The following MARCHF3 variants were observed in gnomAD, a reference collection of about 807,000 sequenced individuals.
MARCHF3 encodes the protein E3 ubiquitin-protein ligase MARCHF3.
A neutral mutation model predicts 24.2 loss-of-function variants in MARCHF3; 13 were observed. The observed-to-expected ratio is 0.54, with a 90% CI of 0.35 to 0.85. The LOEUF is 0.85. MARCHF3 is among the 40% of genes least tolerant of loss of function. The pLI, the probability that MARCHF3 is intolerant of heterozygous loss-of-function variation, is 0.01. For missense variants in MARCHF3, 276 were observed against 325.0 expected (o/e 0.85, Z 1.16); for synonymous variants, 144 against 137.3 (o/e 1.05, Z -0.34).
intron 1 of MARCHF3, among the ~76,000 whole-genome samples, chr5:126,929,778 T>C (rs1322056986): frequency 3.3e-5 from 5 of 152,218 alleles, no homozygotes; most frequent in African/African-American, 1.2e-4. Context: ...GGGAGGGACC[T>C]GGTGGGAGAT....
intron 1 of MARCHF3, among the ~76,000 whole-genome samples, chr5:127,026,092 A>G (rs1752987395): frequency 6.6e-6 from 1 of 151,864 alleles, no homozygotes; most frequent in Admixed American, 6.6e-5. Context: ...GAAGAATGCC[A>G]TAGCTAAAAA....
intron 1 of MARCHF3, among the ~76,000 whole-genome samples, chr5:126,992,997 C>T (rs1180994010): frequency 6.6e-6 from 1 of 152,154 alleles, no homozygotes; most frequent in Admixed American, 6.5e-5. Flanking sequence ...TGGTCTCGAT[C>T]TCCTGACCTC....
chr5:126,940,716 G>A (rs1749799140), intron 1 of MARCHF3, among the ~76,000 whole-genome samples: 1 of 151,114 alleles, frequency 6.6e-6, no homozygotes, highest in Non-Finnish European at 1.5e-5. Flanking sequence ...CAAAGTGCTG[G>A]GATTACAGGT....
At chr5:126,898,636 C>T (rs73335467) in intron 3 of MARCHF3, among the ~76,000 whole-genome samples, 1 of 152,014 alleles carries the variant, frequency 6.6e-6, no homozygotes, top group African/African-American at 2.4e-5. Context: ...TGCATATTTT[C>T]CCTTCATCTC....
chr5:127,004,227 A>T (rs975942478), intron 1 of MARCHF3, among the ~76,000 whole-genome samples: 5 of 152,152 alleles, frequency 3.3e-5, no homozygotes, highest in Non-Finnish European at 5.9e-5. Flanking sequence ...GCAATGAATG[A>T]TCTGCTCCCT....
chr5:126,874,346 G>C (rs1446283080), intron 4 of MARCHF3, among the ~76,000 whole-genome samples: 1 of 152,218 alleles, frequency 6.6e-6, no homozygotes, highest in African/African-American at 2.4e-5. Flanking sequence ...CCAGCACTTT[G>C]GGAGGCCGAG....
At chr5:126,875,704 C>A (rs1277451816) in intron 4 of MARCHF3, among the ~76,000 whole-genome samples, 2 of 152,186 alleles carry the variant, frequency 1.3e-5, no homozygotes, top group Non-Finnish European at 2.9e-5. Context: ...TTCTTTCCCT[C>A]CTGCTACTTT....
intron 1 of MARCHF3, among the ~76,000 whole-genome samples, chr5:126,965,296 T>C (rs1002358398): frequency 6.6e-6 from 1 of 152,202 alleles, no homozygotes; most frequent in Non-Finnish European, 1.5e-5. Flanking sequence ...GCCAAGGTTC[T>C]CACACTGGTC....
chr5:126,929,544 G>A (rs1285641283), intron 1 of MARCHF3, among the ~76,000 whole-genome samples: 2 of 152,178 alleles, frequency 1.3e-5, no homozygotes, highest in South Asian at 2.1e-4. Context: ...TTGGAACAAA[G>A]AATCAGTGCA....
intron 1 of MARCHF3, among the ~76,000 whole-genome samples, chr5:126,998,355 C>G (rs748869555): frequency 6.6e-6 from 1 of 152,188 alleles, no homozygotes; most frequent in Non-Finnish European, 1.5e-5. Flanking sequence ...CACCAAGTTC[C>G]TGGTCCCTTT....
chr5:127,009,483 A>C (rs1752413861), intron 1 of MARCHF3, among the ~76,000 whole-genome samples: 1 of 152,236 alleles, frequency 6.6e-6, no homozygotes, highest in African/African-American at 2.4e-5. Flanking sequence ...GCCTTTTCAA[A>C]AATGAGAAAC....
chr5:126,953,668 C>T (rs1244197158), intron 1 of MARCHF3, among the ~76,000 whole-genome samples: 1 of 152,204 alleles, frequency 6.6e-6, no homozygotes, highest in East Asian at 1.9e-4. Context: ...CCTCTGAATA[C>T]TATTAGCATC....
intron 1 of MARCHF3, among the ~76,000 whole-genome samples, chr5:126,940,443 AT>A (rs933111119): frequency 6.6e-6 from 1 of 151,008 alleles, no homozygotes; most frequent in Non-Finnish European, 1.5e-5. Context: ...TATGTTTTTA[AT>A]TTTTTTTTCT....
intron 1 of MARCHF3, among the ~76,000 whole-genome samples, chr5:126,956,248 A>G (rs556389734): frequency 1.6e-4 from 25 of 152,318 alleles, no homozygotes; most frequent in Middle Eastern, 3.4e-3. Flanking sequence ...TACCCTGAAG[A>G]TATTTTTAAA....
At chr5:126,879,316 C>A (rs1753274206) in intron 3 of MARCHF3, among the ~76,000 whole-genome samples, 1 of 152,090 alleles carries the variant, frequency 6.6e-6, no homozygotes, top group Non-Finnish European at 1.5e-5. Flanking sequence ...TTTTCTGAGT[C>A]CCGTGAGTAC....
chr5:126,871,703 CCT>C (rs370630562), intron 4 of MARCHF3, among the ~76,000 whole-genome samples: 2 of 149,418 alleles, frequency 1.3e-5, no homozygotes, highest in African/African-American at 2.6e-5. Context: ...CAAACTTAAG[CCT>C]CTCTCTCTTT....
chr5:126,931,362 A>T (rs1561433862), intron 1 of MARCHF3, among the ~76,000 whole-genome samples: 1 of 152,306 alleles, frequency 6.6e-6, no homozygotes, highest in East Asian at 1.9e-4. Context: ...AAAAGAGCAA[A>T]TACTTTCTTA....
intron 3 of MARCHF3, among the ~76,000 whole-genome samples, chr5:126,914,338 A>G (rs1219228642): frequency 1.3e-5 from 2 of 152,114 alleles, no homozygotes; most frequent in Non-Finnish European, 2.9e-5. Context: ...TAATTTCCCA[A>G]GTGAGATATT....
chr5:126,909,535 T>A (rs969472208), intron 3 of MARCHF3, among the ~76,000 whole-genome samples: 1 of 152,262 alleles, frequency 6.6e-6, no homozygotes, highest in Non-Finnish European at 1.5e-5. Context: ...CGCTGTTTTT[T>A]AAGCCCATCG....
Sources: allele counts gnomAD v4.1 joint callset (sites outside exome capture counted in the v4.1 genomes callset), GRCh38; gene constraint gnomAD v4.1.1; transcripts MANE v1.5; gene names NCBI Gene and HGNC (gene_info 2026-07-23, HGNC 2026-07-21).